Variants in DPP6 observed in about 807,000 individuals in gnomAD.
The protein encoded by DPP6 is dipeptidyl peptidase like 6.
DPP6 carries 69 observed loss-of-function variants against 122.6 expected under a neutral mutation model. That is an observed-to-expected ratio of 0.56 (90% CI 0.46 to 0.69). DPP6 has a LOEUF of 0.69. Among genes scored for constraint, DPP6 ranks in the 30% least tolerant of loss-of-function variants. The probability of loss-of-function intolerance (pLI) is 0.00; values close to 1 mark genes in which losing one functional copy is unlikely to be tolerated. For synonymous variants in DPP6, 418 were observed against 433.1 expected (o/e 0.97, Z 0.43); for missense variants, 928 against 1,116.9 (o/e 0.83, Z 2.41).
intron 2 of DPP6, among the ~76,000 whole-genome samples, chr7:154,466,789 A>G (rs1821824115): frequency 6.6e-6 from 1 of 152,170 alleles, no homozygotes; most frequent in Admixed American, 6.5e-5. Flanking sequence ...TCTGACCCGC[A>G]AAGATTCACA....
chr7:153,995,235 C>T (rs1797366603), intron 1 of DPP6, among the ~76,000 whole-genome samples: 1 of 152,176 alleles, frequency 6.6e-6, no homozygotes, highest in Non-Finnish European at 1.5e-5. Flanking sequence ...AGCAGCCATT[C>T]ACTAGCCATT....
At chr7:154,757,045 C>G (rs1354872112) in intron 8 of DPP6, among the ~76,000 whole-genome samples, 4 of 151,796 alleles carry the variant, frequency 2.6e-5, no homozygotes, top group Non-Finnish European at 4.4e-5. Flanking sequence ...CCCTGAGGAA[C>G]AGGCCAGCCT....
the DPP6 span, among the ~76,000 whole-genome samples, chr7:153,780,573 G>A: frequency 1.1e-3 from 175 of 152,268 alleles, no homozygotes; most frequent in Middle Eastern, 3.4e-3. Flanking sequence ...GGGATCTGAA[G>A]AACGTACTTG....
chr7:154,544,797 G>A (rs552007956), intron 4 of DPP6, among the ~76,000 whole-genome samples: 32 of 152,314 alleles, frequency 2.1e-4, no homozygotes, highest in Non-Finnish European at 5.9e-5. Context: ...CAGAGCGTTA[G>A]GCTAGACCAA....
the DPP6 span, among the ~76,000 whole-genome samples, chr7:153,859,320 G>A: frequency 6.6e-6 from 1 of 152,160 alleles, no homozygotes; most frequent in Non-Finnish European, 1.5e-5. Context: ...TAAAACTCAA[G>A]ACACACATTC....
intron 1 of DPP6, among the ~76,000 whole-genome samples, chr7:154,188,159 T>C (rs1344201157): frequency 1.8e-4 from 27 of 152,106 alleles, no homozygotes; most frequent in Admixed American, 1.7e-3. Flanking sequence ...CCAAAGGCCA[T>C]GAACACCCCA....
chr7:154,827,528 C>T (rs183040618), intron 16 of DPP6, among the ~76,000 whole-genome samples: 96 of 152,114 alleles, frequency 6.3e-4, no homozygotes, highest in African/African-American at 2.2e-3. Flanking sequence ...AGGGCGTCTG[C>T]GCAGAGGGGC....
At chr7:154,263,784 A>G (rs183512786) in intron 1 of DPP6, among the ~76,000 whole-genome samples, 1 of 152,066 alleles carries the variant, frequency 6.6e-6, no homozygotes, top group Non-Finnish European at 1.5e-5. Flanking sequence ...GCAACCTACC[A>G]GGTTCAAGTG....
intron 1 of DPP6, among the ~76,000 whole-genome samples, chr7:154,167,372 C>G (rs910780565): frequency 6.6e-6 from 1 of 152,222 alleles, no homozygotes; most frequent in East Asian, 1.9e-4. Flanking sequence ...CAACCTTCTG[C>G]AGAAATACAG....
intron 8 of DPP6, among the ~76,000 whole-genome samples, chr7:154,751,268 G>A (rs1843366501): frequency 6.6e-6 from 1 of 152,044 alleles, no homozygotes; most frequent in Non-Finnish European, 1.5e-5. Context: ...CACCTACTAA[G>A]CCCAAAGATG....
chr7:154,643,635 A>AT (rs1836257101), intron 6 of DPP6, among the ~76,000 whole-genome samples: 1 of 151,796 alleles, frequency 6.6e-6, no homozygotes, highest in Admixed American at 6.6e-5. Context: ...CTCCTGGCTA[A>AT]TTTTTTGTAT....
In DPP6 at chr7:154,080,716, T is replaced by TTCCCATTTCCTGCATGTCTTC. The variant is rs536843859; in HGVS notation, c.243+27656_243+27676dup. On this transcript the variant is annotated intron_variant, in intron 1 of 25. Transcript: ENST00000377770. ...CCTCACAAAGTATAAGGCAGATCTT[T>TTCCCATTTCCTGCATGTCTTC]TCCCATTTCCTGCATGTCTTCTCAA... Among the ~76,000 whole-genome samples the TTCCCATTTCCTGCATGTCTTC allele has an allele frequency of 5.4e-3, 829 of 152,316 alleles. 3 individuals carry two copies. Among genetic ancestry groups the TTCCCATTTCCTGCATGTCTTC allele is most frequent in the Middle Eastern group, 0.027 (8 of 294 alleles).
At chr7:154,073,999 CTATGTATGTATG>C (rs541968723) in intron 1 of DPP6, among the ~76,000 whole-genome samples, 39 of 148,940 alleles carry the variant, frequency 2.6e-4, no homozygotes, top group Middle Eastern at 6.9e-3. Context: ...AAATATATAT[CTATGTATGTATG>C]TATGTATGTA....
intron 5 of DPP6, among the ~76,000 whole-genome samples, chr7:154,615,952 T>A (rs1016461905): frequency 6.6e-6 from 1 of 152,228 alleles, no homozygotes; most frequent in African/African-American, 2.4e-5. Flanking sequence ...AGTTTGCCTA[T>A]TCCAGGTACC....
chr7:153,881,743 T>C, the DPP6 span, among the ~76,000 whole-genome samples: 3 of 152,160 alleles, frequency 2.0e-5, no homozygotes, highest in Non-Finnish European at 4.4e-5. Context: ...CAGGTGATAG[T>C]GTACTGAACT....
intron 4 of DPP6, among the ~76,000 whole-genome samples, chr7:154,565,653 G>A (rs1435443319): frequency 6.6e-6 from 1 of 152,134 alleles, no homozygotes; most frequent in Non-Finnish European, 1.5e-5. Flanking sequence ...AGCCTCCTAA[G>A]TAGCTGGGAT....
chr7:154,022,350 T>G lies in DPP6; in HGVS notation c.51+134616T>G, dbSNP rs544562975. Among the ~76,000 whole-genome samples the G allele has an allele frequency of 3.3e-5, 5 of 152,358 alleles. No individual in the cohort carries two copies. In the East Asian group the frequency reaches 9.6e-4, roughly 29 times the overall value. ...GGACCCAAGCAACAGATAGATGGTTTATGGCATGCTGAGTGGAGAGTAGGG... is the reference window on the plus strand; with the variant it reads ...GGACCCAAGCAACAGATAGATGGTTGATGGCATGCTGAGTGGAGAGTAGGG... On this transcript the variant is annotated intron_variant, in intron 1 of 25. Coordinates refer to the DPP6 transcript ENST00000404039.
chr7:154,473,255 A>C (rs1586380287), intron 2 of DPP6, among the ~76,000 whole-genome samples: 1 of 152,310 alleles, frequency 6.6e-6, no homozygotes, highest in South Asian at 2.1e-4. Context: ...TGTATATGGA[A>C]GTGTGTCATG....
intron 5 of DPP6, among the ~76,000 whole-genome samples, chr7:154,601,668 A>T (rs76332738): frequency 0.12 from 13,892 of 119,516 alleles, 4,111 homozygotes; most frequent in South Asian, 0.14. Context: ...TCTTTCAGTG[A>T]GACAATCTCT....
Sources: gnomAD v4.1 joint callset for allele counts (sites outside exome capture counted in the v4.1 genomes callset) on GRCh38, gnomAD v4.1.1 for gene constraint, MANE v1.5 for transcripts, NCBI Gene and HGNC (gene_info 2026-07-23, HGNC 2026-07-21) for gene names.